CNTRL: variants seen among roughly 807,000 people sequenced by gnomAD.
CNTRL encodes the protein centriolin, also known as 110 kDa centrosomal protein.
CNTRL carries 233 observed loss-of-function variants against 303.7 expected under a neutral mutation model. The ratio of observed to expected loss-of-function variants is 0.77; its 90% confidence interval spans 0.69 to 0.86. The LOEUF (loss-of-function observed/expected upper bound fraction) is 0.86. Ranked by LOEUF, CNTRL falls within the 40% of genes least tolerant of loss-of-function variation. CNTRL has a pLI of 0.00. For missense variants in CNTRL, 2,524 were observed against 2,650.6 expected (o/e 0.95, Z 1.05); for synonymous variants, 900 against 922.2 (o/e 0.98, Z 0.44).
rs1262896483 is a variant in CNTRL at position 121,168,179 on chromosome 9, C to T, written c.5928C>T (p.His1976=). ...TSKVTLKEQQ[H]QLEKELTDQK... ...AAGTGACACTGAAGGAGCAACAGCA[C>T]CAGCTGGAAAAGGAATTAACAGACC... is the stretch of plus-strand genomic sequence containing the variant. Residue 1976 remains histidine (H), a synonymous_variant, in exon 38 of 44, where the codon CAC becomes CAT. Coordinates refer to ENST00000373855, the MANE Select transcript of CNTRL (RefSeq NM_007018.6). The T allele has an allele frequency of 1.2e-6, 2 of 1,614,092 alleles. No homozygotes were observed. Among genetic ancestry groups the T allele is most frequent in the South Asian group, 2.2e-5 (2 of 91,084 alleles).
intron 4 of CNTRL, among the ~76,000 whole-genome samples, chr9:121,093,608 T>C (rs573248570): frequency 6.6e-6 from 1 of 152,316 alleles, no homozygotes; most frequent in East Asian, 1.9e-4. Context: ...ATAAGGAAGA[T>C]AAGATGATAG....
intron 14 of CNTRL, among the ~76,000 whole-genome samples, chr9:121,126,399 A>C (rs553915355): frequency 2.1e-4 from 32 of 152,312 alleles, no homozygotes; most frequent in African/African-American, 7.0e-4. Flanking sequence ...ATTCGTTTGG[A>C]GATTTCCCTT....
At chr9:121,165,149 T>G in intron 35 of CNTRL, 49 bp downstream of exon 35, 1 of 1,492,978 alleles carries the variant, frequency 6.7e-7, no homozygotes, top group African/African-American at 1.4e-5. Context: ...TGCCCTTCGT[T>G]AGATTCTTTG....
chr9:121,150,138 T>G, intron 24 of CNTRL, 32 bp from the exon 25 acceptor site: 1 of 1,542,710 alleles, frequency 6.5e-7, no homozygotes, highest in African/African-American at 1.4e-5. Context: ...CACTCTTTTG[T>G]TGAATAAACT....
intron 42 of CNTRL, 39 bp from the exon 43 acceptor site, chr9:121,174,979 T>A: frequency 6.3e-7 from 1 of 1,578,422 alleles, no homozygotes; most frequent in Non-Finnish European, 8.7e-7. Flanking sequence ...CTGGTACATT[T>A]CTTCTGTGTA....
chr9:121,091,158 A>G (rs933111080), intron 4 of CNTRL, among the ~76,000 whole-genome samples: 2 of 152,244 alleles, frequency 1.3e-5, no homozygotes, highest in Admixed American at 6.5e-5. Flanking sequence ...AAACCATATC[A>G]GCCTTTTACA....
intron 12 of CNTRL, chr9:121,121,848 A>G (rs2050245717): frequency 1.0e-6 from 1 of 985,372 alleles, no homozygotes; most frequent in Non-Finnish European, 1.2e-6. Context: ...TGGCTGTCAG[A>G]GAGGGAAGTG....
At chr9:121,144,988 T>C (rs758231561) in intron 21 of CNTRL, 29 bp downstream of exon 21, 1 of 1,550,464 alleles carries the variant, frequency 6.4e-7, no homozygotes, top group East Asian at 2.3e-5. Flanking sequence ...AGACCTCCTC[T>C]TTCTCAGATT....
In CNTRL at chr9:121,144,974, C is replaced by G; in HGVS notation, c.3168+15C>G. ...AGGGGGAGCAGGTCAGTGTTGGTAC[C>G]CAGAGACCTCCTCTTTCTCAGATTC... On this transcript the variant is annotated intron_variant, in intron 21 of 43. Transcript: ENST00000373855. The G allele has an allele frequency of 6.4e-7, 1 of 1,570,988 alleles. No individual in the cohort carries two copies. Among genetic ancestry groups the G allele is most frequent in the East Asian group, 2.2e-5 (1 of 44,494 alleles).
At chr9:121,098,031 G>A (rs2048967433) in intron 6 of CNTRL, among the ~76,000 whole-genome samples, 1 of 152,094 alleles carries the variant, frequency 6.6e-6, no homozygotes, top group African/African-American at 2.4e-5. Context: ...ACAAAGTTGA[G>A]AGTTACACAA....
chr9:121,086,590 A>G (rs2048350904), intron 2 of CNTRL, among the ~76,000 whole-genome samples: 1 of 150,446 alleles, frequency 6.6e-6, no homozygotes, highest in Non-Finnish European at 1.5e-5. Context: ...ACCACCTTGT[A>G]GGTCATGGTA....
chr9:121,076,165 A>G (rs1414601275), intron 1 of CNTRL, among the ~76,000 whole-genome samples: 3 of 152,242 alleles, frequency 2.0e-5, no homozygotes, highest in African/African-American at 7.2e-5. Flanking sequence ...TGGTTATAAA[A>G]TGCTATGAAG....
intron 35 of CNTRL, among the ~76,000 whole-genome samples, 174 bp downstream of exon 35, chr9:121,165,274 TTAAA>T (rs2053041561): frequency 6.6e-6 from 1 of 152,142 alleles, no homozygotes; most frequent in African/African-American, 2.4e-5. Context: ...ATTGTACACT[TTAAA>T]TAGGACATGA....
At chr9:121,155,221 T>C (rs993596595) in intron 27 of CNTRL, among the ~76,000 whole-genome samples, 4 of 152,340 alleles carry the variant, frequency 2.6e-5, no homozygotes, top group Middle Eastern at 3.4e-3. Context: ...CCCACGTCCT[T>C]ATCCTGTGTG....
chr9:121,169,606 T>G lies in CNTRL; in HGVS notation c.6071-5T>G. 6.2e-7 allele frequency: 1 copy of G among 1,613,976 alleles called. No individual in the cohort carries two copies. On this transcript the variant is annotated splice_region_variant and splice_polypyrimidine_tract_variant and intron_variant, in intron 38 of 43. Transcript: ENST00000373855. The stretch of plus-strand genomic sequence containing the variant: ...GGCTAAACCTACTGAAAATGCTCAT[T>G]TCAGAACGGCAGCTTTCAGAAAGGG...
At position 121,107,869 on chromosome 9, in the gene CNTRL, A is replaced by G; in HGVS notation, c.876A>G (p.Lys292=). The change falls in exon 8 of 44, where the codon AAA becomes AAG. Residue 292 remains lysine (K), a synonymous_variant. Coordinates refer to ENST00000373855, the MANE Select transcript of CNTRL (RefSeq NM_007018.6). ...KMIETEELKS[K]QTRFLEEIKN... ...TAGAAACTGAAGAGCTTAAGAGCAA[A>G]CAAACAAGGTTCCTTGAGGAAATTA... The G allele has an allele frequency of 1.2e-6, 2 of 1,609,690 alleles. No homozygotes were observed. Among genetic ancestry groups the G allele is most frequent in the Non-Finnish European group, 1.7e-6 (2 of 1,178,454 alleles).
rs2053469935 is a variant in CNTRL, at chr9:121,175,206, T to C, written c.6936T>C (p.Ser2312=). The change falls in exon 43 of 44, where the codon TCT becomes TCC. Residue 2312 remains serine, a synonymous_variant. Coordinates refer to ENST00000373855, the MANE Select transcript of CNTRL (RefSeq NM_007018.6). ...TGGAGTCTTCCCTCACAGAGGACTC[T>C]CAACTTGGACAAAATCAGGTAAGCA... ...SQLESSLTED[S]QLGQNQEKNA... 1.2e-6 allele frequency: 2 copies of C among 1,613,940 alleles called. No individual in the cohort carries two copies. The highest frequency in any genetic ancestry group is 1.7e-6 in the Non-Finnish European group (2 of 1,179,980).
intron 2 of CNTRL, among the ~76,000 whole-genome samples, chr9:121,083,725 T>A (rs1030458295): frequency 1.1e-4 from 17 of 152,264 alleles, no homozygotes; most frequent in African/African-American, 4.1e-4. Flanking sequence ...CATAATTGTA[T>A]GTGCCAGGCT....
At chr9:121,100,059 T>C (rs1329633337) in intron 7 of CNTRL, among the ~76,000 whole-genome samples, 3 of 152,084 alleles carry the variant, frequency 2.0e-5, no homozygotes, top group Non-Finnish European at 2.9e-5. Context: ...ATACAGAGAA[T>C]GCCACGAAGA....
Sources: allele counts gnomAD v4.1 joint callset (sites outside exome capture counted in the v4.1 genomes callset), GRCh38; gene constraint gnomAD v4.1.1; transcripts MANE v1.5; gene names NCBI Gene and HGNC (gene_info 2026-07-23, HGNC 2026-07-21).